CSMD2: variants seen among roughly 807,000 people sequenced by gnomAD.
The protein encoded by CSMD2 is CUB and Sushi multiple domains 2.
In CSMD2, 130 loss-of-function variants were observed where a neutral mutation model predicts 398.5. That is an observed-to-expected ratio of 0.33 (90% CI 0.28 to 0.38). The LOEUF is 0.38. Ranked by LOEUF, CSMD2 falls within the 10% of genes least tolerant of loss-of-function variation. The probability of loss-of-function intolerance (pLI) is 1.00; values close to 1 mark genes in which losing one functional copy is unlikely to be tolerated. For synonymous variants in CSMD2, 1,828 were observed against 1,908.5 expected (o/e 0.96, Z 1.10); for missense variants, 3,829 against 4,764.9 (o/e 0.80, Z 5.78).
intron 19 of CSMD2, among the ~76,000 whole-genome samples, chr1:33,722,109 G>C (rs542719079): frequency 1.3e-5 from 2 of 152,092 alleles, no homozygotes; most frequent in African/African-American, 2.4e-5. Context: ...CTTATTGATG[G>C]ACATTTTAAT....
chr1:33,611,004 T>C (rs886159588), intron 41 of CSMD2, 37 bp downstream of exon 41: 10 of 1,588,488 alleles, frequency 6.3e-6, no homozygotes, highest in Middle Eastern at 1.7e-4. Context: ...GAGATGGAGA[T>C]AGACAGAGAA....
intron 3 of CSMD2, among the ~76,000 whole-genome samples, chr1:33,999,117 A>G (rs999491428): frequency 6.6e-6 from 1 of 152,188 alleles, no homozygotes; most frequent in Admixed American, 6.5e-5. Context: ...CCCATAAGCC[A>G]AGACTTATCT....
At position 33,739,261 on chromosome 1, in the gene CSMD2, C is replaced by T. The variant is rs1214938452; in HGVS notation, c.2247G>A (p.Leu749=). 1 of 1,614,202 alleles carries T rather than the reference C, an allele frequency of 6.2e-7. No individual in the cohort carries two copies. The highest frequency in any genetic ancestry group is 8.5e-7 in the Non-Finnish European group (1 of 1,180,024). ...NGKRFGDSLQ[L]GSSISFLCDE... is the part of the protein sequence containing the mutation. Reference sequence around the variant, plus strand: ...CACAGAGGAAGGAGATGGAGCTGCCCAGCTGGAGGCTGTCCCCAAACCGTT... The same window carrying T: ...CACAGAGGAAGGAGATGGAGCTGCCTAGCTGGAGGCTGTCCCCAAACCGTT... The change falls in exon 15 of 71, where the codon CTG becomes CTA. Residue 749 remains leucine, a synonymous_variant. Transcript: ENST00000373381.
intron 12 of CSMD2, among the ~76,000 whole-genome samples, chr1:33,773,476 T>C (rs1168929586): frequency 1.3e-5 from 2 of 152,170 alleles, no homozygotes; most frequent in Admixed American, 6.5e-5. Context: ...GAGACAGCTC[T>C]GGGGGCCCTG....
At chr1:33,929,966 C>T (rs1453398180) in intron 4 of CSMD2, among the ~76,000 whole-genome samples, 1 of 152,204 alleles carries the variant, frequency 6.6e-6, no homozygotes, top group African/African-American at 2.4e-5. Flanking sequence ...CCATCACTGG[C>T]TAAGACTTTA....
chr1:33,676,792 C>T (rs1644729057), intron 25 of CSMD2, among the ~76,000 whole-genome samples: 1 of 152,146 alleles, frequency 6.6e-6, no homozygotes, highest in Non-Finnish European at 1.5e-5. Flanking sequence ...ACAGAGCCCT[C>T]AGAAATAATG....
intron 3 of CSMD2, among the ~76,000 whole-genome samples, chr1:33,986,037 T>A (rs1298421201): frequency 6.6e-6 from 1 of 152,122 alleles, no homozygotes; most frequent in Non-Finnish European, 1.5e-5. Context: ...CCCAGGGAGC[T>A]CCTTGAGGGC....
chr1:34,121,897 G>A (rs1328925773), intron 1 of CSMD2, among the ~76,000 whole-genome samples: 6 of 151,856 alleles, frequency 4.0e-5, no homozygotes, highest in African/African-American at 9.7e-5. Flanking sequence ...GCTGCTGAGC[G>A]TCTGCTGAGA....
intron 6 of CSMD2, among the ~76,000 whole-genome samples, chr1:33,832,162 C>T (rs1015726865): frequency 4.4e-5 from 6 of 136,062 alleles, no homozygotes; most frequent in Non-Finnish European, 7.7e-5. Context: ...CCAAGTGGAC[C>T]TAATAGACAT....
At chr1:33,765,945 G>A (rs948298525) in intron 13 of CSMD2, among the ~76,000 whole-genome samples, 2 of 152,188 alleles carry the variant, frequency 1.3e-5, no homozygotes, top group South Asian at 4.1e-4. Flanking sequence ...CTGAAGAAAG[G>A]CCAAGACTGA....
chr1:33,959,554 C>T (rs888868795), intron 3 of CSMD2, among the ~76,000 whole-genome samples: 3 of 152,116 alleles, frequency 2.0e-5, no homozygotes, highest in Admixed American at 6.5e-5. Context: ...CTGAAAGTCC[C>T]GTGTCCCGGA....
At chr1:33,737,646 C>A (rs1404019725) in intron 15 of CSMD2, among the ~76,000 whole-genome samples, 1 of 152,072 alleles carries the variant, frequency 6.6e-6, no homozygotes, top group Non-Finnish European at 1.5e-5. Flanking sequence ...TGGTGAGAGT[C>A]GGGGCTCTGG....
intron 3 of CSMD2, among the ~76,000 whole-genome samples, chr1:33,994,814 C>T (rs1465141826): frequency 6.6e-6 from 1 of 151,996 alleles, no homozygotes; most frequent in Admixed American, 6.5e-5. Flanking sequence ...GTCTGTAATC[C>T]CAGCACTTTG....
intron 32 of CSMD2, among the ~76,000 whole-genome samples, chr1:33,630,637 T>TA (rs144028145): frequency 6.6e-5 from 10 of 150,768 alleles, no homozygotes; most frequent in Non-Finnish European, 1.0e-4. Context: ...TTTAGAAAAC[T>TA]AAAAAAAAAG....
intron 1 of CSMD2, among the ~76,000 whole-genome samples, chr1:34,093,363 A>G (rs1337927943): frequency 2.0e-5 from 3 of 152,224 alleles, no homozygotes; most frequent in African/African-American, 7.2e-5. Flanking sequence ...CTCCTCCTCC[A>G]AAGGAACGCA....
chr1:34,064,127 G>T (rs1291078760), intron 2 of CSMD2, among the ~76,000 whole-genome samples: 1 of 152,184 alleles, frequency 6.6e-6, no homozygotes, highest in African/African-American at 2.4e-5. Context: ...GGCTGTAATG[G>T]GAGGTGCCGC....
chr1:34,086,459 T>C (rs1289455268), intron 2 of CSMD2, among the ~76,000 whole-genome samples: 2 of 152,232 alleles, frequency 1.3e-5, no homozygotes, highest in Non-Finnish European at 2.9e-5. Context: ...TAAAATTTTA[T>C]AGGGCCAAAC....
At position 33,725,473 on chromosome 1, in the gene CSMD2, G is replaced by C; in HGVS notation, c.2571C>G (p.Pro857=). 6.2e-7 allele frequency: 1 copy of C among 1,614,264 alleles called. No homozygotes were observed. The highest frequency in any genetic ancestry group is 8.5e-7 in the Non-Finnish European group (1 of 1,180,046). ...EVRDGRTYSA[P]LIGVYHGTQV... Reference sequence around the variant, plus strand: ...GGGTCCCGTGGTAAACCCCGATCAAGGGCGCTGAGTAAGTCCGCCCATCGC... The same window carrying C: ...GGGTCCCGTGGTAAACCCCGATCAACGGCGCTGAGTAAGTCCGCCCATCGC... Residue 857 remains proline, a synonymous_variant, in exon 17 of 71, where the codon CCC becomes CCG. Transcript: ENST00000373381.
intron 37 of CSMD2, among the ~76,000 whole-genome samples, chr1:33,619,305 G>T (rs1199637873): frequency 1.3e-5 from 2 of 152,222 alleles, no homozygotes; most frequent in Non-Finnish European, 2.9e-5. Context: ...CTCCCTTGGG[G>T]GATACAGGCT....
Sources: gnomAD v4.1 joint callset for allele counts (sites outside exome capture counted in the v4.1 genomes callset) on GRCh38, gnomAD v4.1.1 for gene constraint, MANE v1.5 for transcripts, NCBI Gene and HGNC (gene_info 2026-07-23, HGNC 2026-07-21) for gene names.